The following MMS19 variants were observed in gnomAD, a reference collection of about 807,000 sequenced individuals.
MMS19 encodes MMS19 nucleotide excision repair protein homolog.
MMS19 carries 77 observed loss-of-function variants against 129.8 expected under a neutral mutation model. The ratio of observed to expected loss-of-function variants is 0.59; its 90% CI spans 0.49 to 0.72. The LOEUF (loss-of-function observed/expected upper bound fraction) is 0.72. MMS19 is among the 30% of genes least tolerant of loss of function. The pLI is 0.00. For missense variants in MMS19, 1,168 were observed against 1,266.3 expected (o/e 0.92, Z 1.18); for synonymous variants, 491 against 502.8 (o/e 0.98, Z 0.31).
At chr10:97,463,330 TCTGA>T (rs1306639182) in intron 19 of MMS19, among the ~76,000 whole-genome samples, 3 of 152,128 alleles carry the variant, frequency 2.0e-5, no homozygotes, top group Admixed American at 6.5e-5. Flanking sequence ...CACCACTATG[TCTGA>T]CTATTTGTAG....
At chr10:97,471,219 GTTT>G (rs1228659161) in intron 8 of MMS19, among the ~76,000 whole-genome samples, 2 of 151,884 alleles carry the variant, frequency 1.3e-5, no homozygotes, top group African/African-American at 4.8e-5. Context: ...TGTACATGTG[GTTT>G]TTAATTTTTT....
intron 29 of MMS19, 81 bp downstream of exon 29, chr10:97,459,142 G>T: frequency 7.1e-7 from 1 of 1,417,508 alleles, no homozygotes; most frequent in Non-Finnish European, 9.6e-7. Context: ...GGGTGGCCAA[G>T]CCCACCTGAC....
Position 97,460,120 on chromosome 10 carries a change from C to T in MMS19, c.2582G>A (p.Arg861Gln), listed in dbSNP as rs142932551. Reference protein sequence around the residue: ...VLTRAGHAEVRIMFRQRFFTD... With the variant: ...VLTRAGHAEVQIMFRQRFFTD... Reference sequence around the variant, plus strand: ...GAAGAACCGCTGGCGGAACATGATCCGCACTTCGGCATGGCCAGCACGAGT... The same window carrying T: ...GAAGAACCGCTGGCGGAACATGATCTGCACTTCGGCATGGCCAGCACGAGT... The change falls in exon 26 of 31, where the codon CGG becomes CAG. Residue 861 changes from arginine to glutamine, a missense_variant. Physicochemically the swap from Arg to Gln is conservative, Grantham distance 43. Coordinates refer to ENST00000438925, the MANE Select transcript of MMS19 (RefSeq NM_022362.5). The T allele has an allele frequency of 3.6e-5, 58 of 1,613,880 alleles. No homozygotes were observed. The highest frequency in any genetic ancestry group is 9.3e-5 in the African/African-American group (7 of 74,918).
chr10:97,470,006 A>G, intron 10 of MMS19, 123 bp downstream of exon 10: 1 of 751,056 alleles, frequency 1.3e-6, no homozygotes, highest in Non-Finnish European at 2.3e-6. Context: ...ACAAAGGCCC[A>G]AATCCTGGGT....
intron 5 of MMS19, 64 bp from the exon 6 acceptor site, chr10:97,477,480 G>T: frequency 1.2e-6 from 2 of 1,609,200 alleles, no homozygotes; most frequent in Non-Finnish European, 8.5e-7. Context: ...GACACAGCTA[G>T]TTCCTGCTTC....
In MMS19 at chr10:97,466,057, A is replaced by G; in HGVS notation, c.1606+2T>C. 1 of 1,613,672 alleles carries G rather than the reference A, an allele frequency of 6.2e-7. No homozygotes were observed. Among genetic ancestry groups the G allele is most frequent in the Non-Finnish European group, 8.5e-7 (1 of 1,179,678 alleles). Reference sequence around the variant, plus strand: ...GGGCCACAGAGGATTAGAGACACATACCTACACGCAGCTCCTCAGCGAGCT... The same window carrying G: ...GGGCCACAGAGGATTAGAGACACATGCCTACACGCAGCTCCTCAGCGAGCT... On this transcript the variant is annotated splice_donor_variant, in intron 17 of 30. Coordinates refer to ENST00000438925, the MANE Select transcript of MMS19 (RefSeq NM_022362.5). LOFTEE classifies it high-confidence loss of function.
chr10:97,492,778 G>C (rs1416441399), intron 1 of MMS19, among the ~76,000 whole-genome samples: 3 of 146,552 alleles, frequency 2.0e-5, no homozygotes, highest in African/African-American at 7.5e-5. Context: ...AGAGTCATTT[G>C]AACCCAGGAG....
chr10:97,493,675 T>G (rs1466227234), intron 1 of MMS19, among the ~76,000 whole-genome samples: 1 of 152,232 alleles, frequency 6.6e-6, no homozygotes, highest in Non-Finnish European at 1.5e-5. Flanking sequence ...CATGGGCCAC[T>G]AACTTTAAGT....
chr10:97,461,656 G>T, intron 22 of MMS19, 34 bp from the exon 23 acceptor site: 1 of 1,587,762 alleles, frequency 6.3e-7, no homozygotes, highest in South Asian at 1.1e-5. Flanking sequence ...TGGACCCAGA[G>T]AACACTTGAA....
At chr10:97,468,163 T>C in intron 13 of MMS19, 89 bp downstream of exon 13, 1 of 1,349,124 alleles carries the variant, frequency 7.4e-7, no homozygotes, top group Admixed American at 2.5e-5. Flanking sequence ...TCTACTATGT[T>C]GGCCCAAGCT....
In MMS19 at chr10:97,484,185, A is replaced by T. The variant is rs773659875; in HGVS notation, c.113-34T>A. ...AATAAAATAAATAAATATGAAAAAT[A>T]AAAAAAAAACCTACCAAAGGGTTGA... On this transcript the variant is annotated intron_variant, in intron 1 of 30. Transcript: ENST00000438925. The T allele has an allele frequency of 1.6e-5, 19 of 1,205,874 alleles. No individual in the cohort carries two copies. The South Asian group carries it at 1.7e-4, about 11-fold the overall frequency. The allele number at this position is 1,205,874 out of a possible 1,614,324, so 74.7% of individuals were successfully genotyped here. A position where few individuals can be genotyped will look rare whatever the true frequency, so the allele number is the denominator to read the frequency against.
intron 28 of MMS19, 31 bp downstream of exon 28, chr10:97,459,331 G>A (rs377685090): frequency 2.9e-5 from 46 of 1,611,190 alleles, no homozygotes; most frequent in African/African-American, 2.8e-4. Context: ...GAGAGATGCT[G>A]GTGCCTAAGA....
chr10:97,472,529 C>A (rs1044931312), intron 8 of MMS19, among the ~76,000 whole-genome samples: 5 of 152,156 alleles, frequency 3.3e-5, no homozygotes, highest in African/African-American at 4.8e-5. Flanking sequence ...CATGAGCCAC[C>A]ACGCCCAGCC....
chr10:97,467,496 C>G lies in MMS19; in HGVS notation c.1297+9G>C. On this transcript the variant is annotated intron_variant, in intron 14 of 30. Transcript: ENST00000438925. ...GTCCCCAGAGCACTGCAATGGAAGG[C>G]AACCTCACCTTTGTCTTCATAGCTC... The G allele has an allele frequency of 1.2e-6, 2 of 1,610,990 alleles. No individual in the cohort carries two copies. Among genetic ancestry groups the G allele is most frequent in the Non-Finnish European group, 1.7e-6 (2 of 1,177,380 alleles).
Position 97,466,578 on chromosome 10 carries a change from T to C in MMS19, c.1431A>G (p.Leu477=). The part of the protein sequence containing the change: ...LTVLGAQPDL[L]SYEDLELAVG... Reference sequence around the variant, plus strand: ...CTGCCAGCTCCAAGTCCTCATAAGATAGGAGATCTGTAGTTAGAAGGGAAC... The same window carrying C: ...CTGCCAGCTCCAAGTCCTCATAAGACAGGAGATCTGTAGTTAGAAGGGAAC... The change falls in exon 16 of 31, where the codon CTA becomes CTG. Residue 477 remains leucine, a synonymous_variant. Coordinates refer to ENST00000438925, the MANE Select transcript of MMS19 (RefSeq NM_022362.5). 1 of 1,613,126 alleles carries C rather than the reference T, an allele frequency of 6.2e-7. No homozygotes were observed. Among genetic ancestry groups the C allele is most frequent in the African/African-American group, 1.3e-5 (1 of 75,042 alleles).
intron 8 of MMS19, among the ~76,000 whole-genome samples, chr10:97,475,335 CT>C (rs2035543510): frequency 6.6e-6 from 1 of 152,120 alleles, no homozygotes; most frequent in Non-Finnish European, 1.5e-5. Flanking sequence ...TAACTGATAA[CT>C]TGGTTGATTA....
chr10:97,477,797 CCA>C, intron 5 of MMS19, 56 bp downstream of exon 5: 2 of 1,262,882 alleles, frequency 1.6e-6, no homozygotes, highest in Non-Finnish European at 2.2e-6. Flanking sequence ...CTATTGAATC[CCA>C]GTTATGTCAA....
In MMS19 at chr10:97,460,937, A is replaced by ACAGGGCC; in HGVS notation, c.2375_2381dup (p.Cys794TrpfsTer5). On this transcript the variant is annotated frameshift_variant, in exon 24 of 31. Coordinates refer to ENST00000438925, the MANE Select transcript of MMS19 (RefSeq NM_022362.5). LOFTEE classifies it high-confidence loss of function. ...GAAGAAGAGTGAAGGCCTGACTACGACAGGGCCCAGAGCCCAGGCCAGCCT... is the reference window on the plus strand; with the variant it reads ...GAAGAAGAGTGAAGGCCTGACTACGACAGGGCCCAGGGCCCAGAGCCCAGGCCAGCCT... The ACAGGGCC allele has an allele frequency of 6.3e-7, 1 of 1,582,938 alleles. No individual in the cohort carries two copies.
chr10:97,481,133 G>C lies in MMS19; in HGVS notation c.162-91C>G. On this transcript the variant is annotated intron_variant, in intron 2 of 30. Coordinates refer to ENST00000438925, the MANE Select transcript of MMS19 (RefSeq NM_022362.5). ...TTTACATTAGTCACACTCACCCCCT[G>C]GGCATGGAAGCAGAGCCAAGCCCTG... 4.8e-6 allele frequency: 4 copies of C among 836,286 alleles called. No individual in the cohort carries two copies. The South Asian group carries it at 6.0e-5, about 13-fold the overall frequency. 51.8% of individuals were successfully genotyped at this position (836,286 alleles called of 1,614,324 possible).
Sources: gnomAD v4.1 joint callset for allele counts (sites outside exome capture counted in the v4.1 genomes callset) on GRCh38, gnomAD v4.1.1 for gene constraint, MANE v1.5 for transcripts, NCBI Gene and HGNC (gene_info 2026-07-23, HGNC 2026-07-21) for gene names.